ARHGEF10L: variants seen among roughly 807,000 people sequenced by gnomAD.
ARHGEF10L encodes the protein Rho guanine nucleotide exchange factor 10 like, also known as rho guanine nucleotide exchange factor 10-like protein.
Under a neutral mutation model 141.2 loss-of-function variants are expected in ARHGEF10L, and 69 were observed. That is an observed-to-expected ratio of 0.49 (90% CI 0.40 to 0.60). The LOEUF (loss-of-function observed/expected upper bound fraction) is 0.60. ARHGEF10L is among the 20% of genes least tolerant of loss of function. ARHGEF10L has a pLI of 0.00. For missense variants in ARHGEF10L, 1,482 were observed against 1,734.3 expected, an observed-to-expected ratio of 0.85 and a Z score of 2.58; for synonymous variants, 711 against 718.5, an observed-to-expected ratio of 0.99 and a Z score of 0.17.
At chr1:17,587,354 C>A in intron 2 of ARHGEF10L, 106 bp from the exon 3 acceptor site, 6 of 1,166,620 alleles carry the variant, frequency 5.1e-6, no homozygotes, top group Non-Finnish European at 7.2e-6. Context: ...CTGGCTCAGA[C>A]CTGAGGTGCT....
chr1:17,656,679 G>A lies in ARHGEF10L; in HGVS notation c.2831G>A (p.Gly944Glu). 2.5e-6 allele frequency: 4 copies of A among 1,613,446 alleles called. No individual in the cohort carries two copies. Among genetic ancestry groups the A allele is most frequent in the Non-Finnish European group, 3.4e-6 (4 of 1,179,972 alleles). ...CACCTGCTCGCTGGCCTGCAGGATG[G>A]GACCCTTGCTGCTTACCCTCGGACC... ...PFHLLAGLQD[G>E]TLAAYPRTSG... Residue 944 changes from glycine to glutamate, a missense_variant, in exon 25 of 29, where the codon GGG becomes GAG. Gly to Glu is a moderately conservative substitution (Grantham distance 98, BLOSUM62 -2). Coordinates refer to ENST00000361221, the MANE Select transcript of ARHGEF10L (RefSeq NM_018125.4). This position sits in a 1 kb window ranked among gnomAD's most constrained non-coding sequence, Gnocchi z 4.9.
the ARHGEF10L span, among the ~76,000 whole-genome samples, chr1:17,513,766 T>G: frequency 6.6e-6 from 1 of 152,200 alleles, no homozygotes; most frequent in Admixed American, 6.5e-5. Flanking sequence ...CAGAAACAAC[T>G]GTCCCCAGAT....
chr1:17,634,209 T>G, intron 16 of ARHGEF10L: 2 of 441,322 alleles, frequency 4.5e-6, no homozygotes, highest in Admixed American at 4.2e-5. Flanking sequence ...TCTGCCTTCA[T>G]GTTGCTCTAG....
Position 17,638,020 on chromosome 1 carries a change from G to T in ARHGEF10L, c.2043+17G>T. 1.9e-6 allele frequency: 3 copies of T among 1,560,910 alleles called. No individual in the cohort carries two copies. Among genetic ancestry groups the T allele is most frequent in the Non-Finnish European group, 2.6e-6 (3 of 1,151,650 alleles). On this transcript the variant is annotated intron_variant, in intron 19 of 28. Transcript: ENST00000361221. ...ACCTACCAGGTACGTGGCCTGGCCT[G>T]ACCTTTTTGGCCTGAGCTCCCCAGT...
At position 17,635,481 on chromosome 1, in the gene ARHGEF10L, G is replaced by A. The variant is rs192974410; in HGVS notation, c.1927+465G>A. 1.9e-3 allele frequency among the ~76,000 whole-genome samples: 296 copies of A among 152,282 alleles called. 3 individuals are homozygous for A. The highest frequency in any genetic ancestry group is 6.4e-3 in the African/African-American group (264 of 41,550). ...CCTCCCTCTGCCCCTTCTCTCTGCT[G>A]CAGCCATGCCAGCCCCTCTGGGCTC... On this transcript the variant is annotated intron_variant, in intron 18 of 28. Transcript: ENST00000361221.
Position 17,580,637 on chromosome 1 carries a change from C to G in ARHGEF10L, c.37+5C>G. ...CTCCTCCACAGCCTGCCATAGGTACCGTACCCAGGGCTTCCTGTCCCTCTC... is the reference window on the plus strand; with the variant it reads ...CTCCTCCACAGCCTGCCATAGGTACGGTACCCAGGGCTTCCTGTCCCTCTC... On this transcript the variant is annotated splice_donor_5th_base_variant and intron_variant, in intron 2 of 28. Coordinates refer to ENST00000361221, the MANE Select transcript of ARHGEF10L (RefSeq NM_018125.4). The G allele has an allele frequency of 6.2e-7, 1 of 1,614,186 alleles. No individual in the cohort carries two copies. The highest frequency in any genetic ancestry group is 8.5e-7 in the Non-Finnish European group (1 of 1,180,034).
chr1:17,570,478 G>T (rs11588659), intron 1 of ARHGEF10L, among the ~76,000 whole-genome samples: 154 of 152,146 alleles, frequency 1.0e-3, no homozygotes, highest in African/African-American at 3.4e-3. Flanking sequence ...GGCATTCAGG[G>T]AGCTGGAAGG....
Position 17,603,662 on chromosome 1 carries a change from T to C in ARHGEF10L, c.433+71T>C. 4 of 1,389,052 alleles carry C rather than the reference T, an allele frequency of 2.9e-6. No homozygotes were observed. The South Asian group carries it at 5.4e-5, about 19-fold the overall frequency. 86.0% of individuals were successfully genotyped at this position (1,389,052 alleles called of 1,614,324 possible). Reference sequence around the variant, plus strand: ...GGGAGGCTGGGACTGGGGAGGGTTGTCTCTTTCCGTTTCCTTCTGTCCCCA... The same window carrying C: ...GGGAGGCTGGGACTGGGGAGGGTTGCCTCTTTCCGTTTCCTTCTGTCCCCA... On this transcript the variant is annotated intron_variant, in intron 6 of 28. Coordinates refer to ENST00000361221, the MANE Select transcript of ARHGEF10L (RefSeq NM_018125.4). The surrounding 1 kb of genome is among the most constrained non-coding windows in gnomAD (Gnocchi z 4.8).
chr1:17,686,567 G>A (rs1006958788), intron 26 of ARHGEF10L, among the ~76,000 whole-genome samples: 5 of 152,182 alleles, frequency 3.3e-5, no homozygotes, highest in Non-Finnish European at 7.3e-5. Flanking sequence ...CTGAAGTGGA[G>A]TCTTCAGATG....
At chr1:17,541,189 T>A (rs1403080175) in intron 1 of ARHGEF10L, among the ~76,000 whole-genome samples, 1 of 152,212 alleles carries the variant, frequency 6.6e-6, no homozygotes, top group Non-Finnish European at 1.5e-5. Flanking sequence ...CTCTGTGGGC[T>A]GTTCTCTCTA....
chr1:17,612,870 G>A (rs1316030070), intron 7 of ARHGEF10L, among the ~76,000 whole-genome samples, 188 bp from the exon 8 acceptor site: 1 of 152,268 alleles, frequency 6.6e-6, no homozygotes, highest in African/African-American at 2.4e-5. Context: ...CACAGCTGGA[G>A]CAGATTCCGG....
In ARHGEF10L at chr1:17,613,229, T is replaced by C. The variant is rs2059639197; in HGVS notation, c.726+55T>C. ...GATGGGGGCTGTTTCCAGCTGCAGC[T>C]ACCTCCAAGGGTTTTCCTGCTGCCC... On this transcript the variant is annotated intron_variant, in intron 8 of 28. Transcript: ENST00000361221. 3.8e-6 allele frequency: 5 copies of C among 1,315,964 alleles called. No homozygotes were observed. In the African/African-American group the frequency reaches 7.3e-5, roughly 19 times the overall value. 81.5% of individuals were successfully genotyped at this position (1,315,964 alleles called of 1,614,324 possible).
At chr1:17,651,674 C>T (rs35100825) in intron 22 of ARHGEF10L, among the ~76,000 whole-genome samples, 14 of 152,246 alleles carry the variant, frequency 9.2e-5, no homozygotes, top group South Asian at 4.1e-4. Flanking sequence ...CTCCTCAGTG[C>T]GAGCTCTCAG....
intron 26 of ARHGEF10L, among the ~76,000 whole-genome samples, chr1:17,683,499 G>A (rs1285257915): frequency 6.6e-6 from 1 of 152,176 alleles, no homozygotes; most frequent in Non-Finnish European, 1.5e-5. Context: ...CCGTGATCCT[G>A]GCATGTCTCT....
chr1:17,671,935 C>T (rs937952269), intron 26 of ARHGEF10L, among the ~76,000 whole-genome samples: 1 of 152,202 alleles, frequency 6.6e-6, no homozygotes, highest in African/African-American at 2.4e-5. Context: ...TGGGCTCTGT[C>T]TGTAATGTTT....
Position 17,640,284 on chromosome 1 carries a change from T to A in ARHGEF10L, c.2254T>A (p.Leu752Met), listed in dbSNP as rs2061255366. Residue 752 changes from leucine (L) to methionine (M), a missense_variant, in exon 21 of 29, where the codon TTG becomes ATG. Leu to Met is a conservative substitution (Grantham distance 15, BLOSUM62 2). Transcript: ENST00000361221. ...GATTTCCTGGGTCAACAGGTTACAT[T>A]TGGCCAAAATCGGACTCCGTGAGTA... ...SKISWVNRLH[L>M]AKIGLREENQ... 6.2e-7 allele frequency: 1 copy of A among 1,612,522 alleles called. No homozygotes were observed. The highest frequency in any genetic ancestry group is 8.5e-7 in the Non-Finnish European group (1 of 1,179,448).
upstream of ARHGEF10L, among the ~76,000 whole-genome samples, chr1:17,539,242 C>T (rs2076630919): frequency 6.6e-6 from 1 of 152,166 alleles, no homozygotes; most frequent in Non-Finnish European, 1.5e-5. The surrounding 1 kb of genome is among the most constrained non-coding windows in gnomAD (Gnocchi z 6.0). Flanking sequence ...AATACGGGGC[C>T]GCCAAGACTG....
Position 17,619,559 on chromosome 1 carries a change from G to T in ARHGEF10L, c.942+114G>T. 1.2e-6 allele frequency: 1 copy of T among 855,270 alleles called. No homozygotes were observed. Among genetic ancestry groups the T allele is most frequent in the African/African-American group, 1.7e-5 (1 of 57,840 alleles). 53.0% of individuals were successfully genotyped at this position (855,270 alleles called of 1,614,324 possible). On this transcript the variant is annotated intron_variant, in intron 10 of 28. Transcript: ENST00000361221. The surrounding 1 kb of genome is among the most constrained non-coding windows in gnomAD (Gnocchi z 5.0). ...GATCTCACAGGGGATATGATGACTG[G>T]GGGCTCTTGGCAGAGCCCAGCTGGA...
At chr1:17,692,248 CT>C (rs891536361) in intron 27 of ARHGEF10L, among the ~76,000 whole-genome samples, 2 of 151,306 alleles carry the variant, frequency 1.3e-5, no homozygotes, top group African/African-American at 2.4e-5. Flanking sequence ...CACTAGTGGG[CT>C]TTTTTTTTCA....
Sources: gnomAD v4.1 joint callset for allele counts (sites outside exome capture counted in the v4.1 genomes callset) on GRCh38, gnomAD v4.1.1 for gene constraint, Gnocchi (gnomAD v3.1) non-coding constraint, MANE v1.5 for transcripts, NCBI Gene and HGNC (gene_info 2026-07-23, HGNC 2026-07-21) for gene names.